The following CCDC186 variants were observed in gnomAD, a reference collection of about 807,000 sequenced individuals.
CCDC186 encodes the protein coiled-coil domain containing 186, also known as coiled-coil domain-containing protein 186.
In CCDC186, 49 loss-of-function variants were observed where a neutral mutation model predicts 113.7. The observed-to-expected ratio is 0.43, with a 90% CI of 0.34 to 0.55. The LOEUF (loss-of-function observed/expected upper bound fraction) is 0.55. CCDC186 is among the 20% of genes least tolerant of loss of function. The pLI is 0.02. For synonymous variants in CCDC186, 355 were observed against 345.8 expected, an observed-to-expected ratio of 1.03 and a Z score of -0.30; for missense variants, 890 against 1,011.1, an observed-to-expected ratio of 0.88 and a Z score of 1.62.
chr10:114,138,781 G>T (rs2031365052), intron 6 of CCDC186, among the ~76,000 whole-genome samples: 1 of 152,058 alleles, frequency 6.6e-6, no homozygotes, highest in Non-Finnish European at 1.5e-5. Flanking sequence ...ATTGTTCCCT[G>T]ACTGGCTTTT....
At chr10:114,148,480 T>C (rs1174085193) in intron 4 of CCDC186, among the ~76,000 whole-genome samples, 1 of 152,168 alleles carries the variant, frequency 6.6e-6, no homozygotes, top group Non-Finnish European at 1.5e-5. Context: ...AAGTAAAACA[T>C]GAATAAGATA....
Position 114,124,502 on chromosome 10 carries a change from C to T in CCDC186, c.*641G>A, listed in dbSNP as rs1390164482. 1 of 152,074 alleles carries T rather than the reference C, an allele frequency of 6.6e-6. No individual in the cohort carries two copies. Among genetic ancestry groups the T allele is most frequent in the East Asian group, 1.9e-4 (1 of 5,192 alleles). The allele number at this position is 152,074 out of a possible 1,614,324, so 9.4% of individuals were successfully genotyped here. A position where few individuals can be genotyped will look rare whatever the true frequency, so the allele number is the denominator to read the frequency against. On this transcript the variant is annotated 3_prime_UTR_variant, in exon 16 of 16. Transcript: ENST00000369287. ...TTAAAAATTCAACCATTAACTCAAA[C>T]AATCAGAATCTGAAAAAATGTACCT...
At chr10:114,157,329 G>A (rs934611587) in intron 3 of CCDC186, among the ~76,000 whole-genome samples, 1 of 150,802 alleles carries the variant, frequency 6.6e-6, no homozygotes, top group Non-Finnish European at 1.5e-5. Flanking sequence ...GATTACAGGC[G>A]CATGCTACCA....
At chr10:114,170,993 G>T (rs187346602) in intron 1 of CCDC186, among the ~76,000 whole-genome samples, 1 of 152,126 alleles carries the variant, frequency 6.6e-6, no homozygotes, top group East Asian at 1.9e-4. Flanking sequence ...ACCTTATCAA[G>T]TTACACCATA....
Position 114,157,561 on chromosome 10 carries a change from A to C in CCDC186, c.752T>G (p.Ile251Ser). The change falls in exon 3 of 16, where the codon ATT becomes AGT. Residue 251 changes from isoleucine to serine, a missense_variant. Ile to Ser is a moderately radical substitution (Grantham distance 142). Transcript: ENST00000369287. ...TETEKQHMNT[I>S]KQLESRIEEL... ...GATTTTTGTCTTTTTTACCTGTTTA[A>C]TTGTGTTCATATGCTGCTTCTCAGT... 1 of 1,600,884 alleles carries C rather than the reference A, an allele frequency of 6.2e-7. No individual in the cohort carries two copies. The highest frequency in any genetic ancestry group is 8.5e-7 in the Non-Finnish European group (1 of 1,176,696).
intron 4 of CCDC186, among the ~76,000 whole-genome samples, chr10:114,148,875 T>A (rs1441265405): frequency 6.6e-6 from 1 of 152,256 alleles, no homozygotes; most frequent in Non-Finnish European, 1.5e-5. Context: ...AACCTCAATC[T>A]GGAAATTAAA....
At chr10:114,145,495 A>T (rs1246513371) in intron 5 of CCDC186, 54 bp downstream of exon 5, 19 of 1,407,390 alleles carry the variant, frequency 1.4e-5, no homozygotes, top group African/African-American at 2.9e-5. Flanking sequence ...ATGGAAAAGC[A>T]AAGAGAACAA....
At chr10:114,138,328 C>CTG (rs1377645890) in intron 6 of CCDC186, among the ~76,000 whole-genome samples, 26 of 119,548 alleles carry the variant, frequency 2.2e-4, no homozygotes, top group African/African-American at 8.2e-4. Context: ...GCGTCTCATT[C>CTG]TGTCACTCAG....
Position 114,144,518 on chromosome 10 carries a change from T to G in CCDC186, c.1200A>C (p.Lys400Asn). 6.2e-7 allele frequency: 1 copy of G among 1,613,344 alleles called. No individual in the cohort carries two copies. The change falls in exon 6 of 16, where the codon AAA becomes AAC. Residue 400 changes from lysine to asparagine, a missense_variant. By Grantham distance (94) the Lys-to-Asn change is moderately conservative. Transcript: ENST00000369287. ...GTACCTTGTGTGAATCCATTTCAGCTTTTAATTTGTTTTGTGCCCACTTTA... is the reference window on the plus strand; with the variant it reads ...GTACCTTGTGTGAATCCATTTCAGCGTTTAATTTGTTTTGTGCCCACTTTA... ...IKVKWAQNKLKAEMDSHKETK... is the reference protein window; with the variant it reads ...IKVKWAQNKLNAEMDSHKETK...
chr10:114,131,198 T>C lies in CCDC186; in HGVS notation c.2050A>G (p.Arg684Gly). 4 of 1,595,542 alleles carry C rather than the reference T, an allele frequency of 2.5e-6. No homozygotes were observed. Among genetic ancestry groups the C allele is most frequent in the South Asian group, 2.3e-5 (2 of 87,758 alleles). ...TTGATACTAGAGGCATGTTTACGTC[T>C]CTGAGTTACTAACTCATCTTTTAAT... The part of the protein sequence containing the change: ...EELKDELVTQ[R>G]RKHASSIKDL... Residue 684 changes from arginine to glycine, a missense_variant, in exon 12 of 16, where the codon AGA becomes GGA. By Grantham distance (125) the Arg-to-Gly change is moderately radical. Coordinates refer to ENST00000369287, the MANE Select transcript of CCDC186 (RefSeq NM_018017.4).
chr10:114,154,291 G>C (rs1440257572), intron 3 of CCDC186, among the ~76,000 whole-genome samples: 1 of 149,382 alleles, frequency 6.7e-6, no homozygotes, highest in Admixed American at 6.7e-5. Flanking sequence ...AAAAGATGAA[G>C]AAAACTGACA....
In CCDC186 at chr10:114,121,497, G is replaced by A. The variant is rs919987796; in HGVS notation, c.*3646C>T. 3.9e-5 allele frequency: 6 copies of A among 152,092 alleles called. No individual in the cohort carries two copies. The highest frequency in any genetic ancestry group is 1.9e-4 in the East Asian group (1 of 5,192). The allele number at this position is 152,092 out of a possible 1,614,324, so 9.4% of individuals were successfully genotyped here. On this transcript the variant is annotated 3_prime_UTR_variant, in exon 16 of 16. Transcript: ENST00000369287. ...CATGCGTGACATGATTAATCTTTAT[G>A]AGCACCAAATAGGCATTAATAATTT...
In CCDC186 at chr10:114,131,235, G is replaced by C. The variant is rs2031075683; in HGVS notation, c.2013C>G (p.Thr671=). ...CRQTEVKALS[T]QVEELKDELV... The stretch of plus-strand genomic sequence containing the variant: ...ACTCATCTTTTAATTCTTCTACCTG[G>C]GTACTCAATGCTTTAACTTCTGTTT... The change falls in exon 12 of 16, where the codon ACC becomes ACG. Residue 671 remains threonine (T), a synonymous_variant. Coordinates refer to ENST00000369287, the MANE Select transcript of CCDC186 (RefSeq NM_018017.4). The C allele has an allele frequency of 3.7e-6, 6 of 1,602,060 alleles. No homozygotes were observed. The highest frequency in any genetic ancestry group is 5.1e-6 in the Non-Finnish European group (6 of 1,174,922).
intron 2 of CCDC186, among the ~76,000 whole-genome samples, chr10:114,160,726 C>G (rs527445100): frequency 1.8e-4 from 28 of 151,882 alleles, no homozygotes; most frequent in African/African-American, 6.8e-4. Context: ...TAGATGCATT[C>G]ATTAAAATTT....
At position 114,127,681 on chromosome 10, in the gene CCDC186, A is replaced by G. The variant is rs1397921106; in HGVS notation, c.2183-10T>C. 1 of 1,611,172 alleles carries G rather than the reference A, an allele frequency of 6.2e-7. No individual in the cohort carries two copies. Among genetic ancestry groups the G allele is most frequent in the Non-Finnish European group, 8.5e-7 (1 of 1,179,004 alleles). On this transcript the variant is annotated splice_polypyrimidine_tract_variant and intron_variant, in intron 13 of 15. Coordinates refer to ENST00000369287, the MANE Select transcript of CCDC186 (RefSeq NM_018017.4). ...CGAGCATTCAGGGACCCTGAAGACA[A>G]AAAAAATTGGTTTAGATACTGTGCT... is the stretch of plus-strand genomic sequence containing the variant.
At chr10:114,161,744 T>C (rs1372526409) in intron 2 of CCDC186, 1 of 152,096 alleles carries the variant, frequency 6.6e-6, no homozygotes, top group Non-Finnish European at 1.5e-5. Flanking sequence ...CAAACCCAAG[T>C]TCACAGTAGC....
chr10:114,124,869 C>T lies in CCDC186; in HGVS notation c.*274G>A, dbSNP rs2030839566. 1 of 311,490 alleles carries T rather than the reference C, an allele frequency of 3.2e-6. No individual in the cohort carries two copies. Among genetic ancestry groups the T allele is most frequent in the African/African-American group, 2.1e-5 (1 of 46,602 alleles). The allele number at this position is 311,490 out of a possible 1,614,324, so 19.3% of individuals were successfully genotyped here. On this transcript the variant is annotated 3_prime_UTR_variant, in exon 16 of 16. Transcript: ENST00000369287. ...TTATAAAAGCCCTTGTAATGTTCAA[C>T]ACTTCTTATGAATACAAGCAAATTA...
chr10:114,156,365 C>G (rs1413867093), intron 3 of CCDC186, among the ~76,000 whole-genome samples: 1 of 152,212 alleles, frequency 6.6e-6, no homozygotes, highest in Non-Finnish European at 1.5e-5. Context: ...TAAAGAGCAA[C>G]TCAGCTTTCC....
rs1350089015 is a variant in CCDC186, at chr10:114,126,041, T to C, written c.2458A>G (p.Asn820Asp). 6.2e-7 allele frequency: 1 copy of C among 1,614,066 alleles called. No homozygotes were observed. Among genetic ancestry groups the C allele is most frequent in the East Asian group, 2.2e-5 (1 of 44,860 alleles). The change falls in exon 15 of 16, where the codon AAC (asparagine) becomes GAC (aspartate). Residue 820 changes from asparagine (N) to aspartate (D), a missense_variant. Physicochemically the swap from Asn to Asp is conservative, Grantham distance 23. Transcript: ENST00000369287. ...GTLSSEASDF[N>D]KVHLSRRGGI... is the part of the protein sequence containing the mutation. ...CCCCGTCTACTTAAATGAACTTTGT[T>C]AAAATCAGATGCCTCTGAAGAAAGT...
Sources: gnomAD v4.1 joint callset for allele counts (sites outside exome capture counted in the v4.1 genomes callset) on GRCh38, gnomAD v4.1.1 for gene constraint, MANE v1.5 for transcripts, NCBI Gene and HGNC (gene_info 2026-07-23, HGNC 2026-07-21) for gene names.